The following ERN1 variants were observed in gnomAD, a reference collection of about 807,000 sequenced individuals.
ERN1 encodes serine/threonine-protein kinase/endoribonuclease IRE1.
A neutral mutation model predicts 113.1 loss-of-function variants in ERN1; 39 were observed. That is an observed-to-expected ratio of 0.34 (90% CI 0.27 to 0.45). ERN1 has a LOEUF of 0.45. ERN1 is among the 20% of genes least tolerant of loss of function. The pLI is 1.00. For synonymous variants in ERN1, 507 were observed against 515.9 expected (o/e 0.98, Z 0.23); for missense variants, 976 against 1,274.8 (o/e 0.77, Z 3.57).
chr17:64,118,554 A>G (rs1304642405), intron 1 of ERN1, among the ~76,000 whole-genome samples: 1 of 152,210 alleles, frequency 6.6e-6, no homozygotes. Flanking sequence ...CCAAGGTTGT[A>G]TTCAAAGAGC....
intron 4 of ERN1, among the ~76,000 whole-genome samples, chr17:64,076,304 T>C (rs1169627250): frequency 2.0e-5 from 3 of 152,236 alleles, no homozygotes; most frequent in Non-Finnish European, 4.4e-5. Flanking sequence ...GATTTCTCTC[T>C]AGCTTTAATA....
chr17:64,045,280 G>T, intron 20 of ERN1, 79 bp downstream of exon 20: 1 of 1,555,770 alleles, frequency 6.4e-7, no homozygotes, highest in East Asian at 2.3e-5. Flanking sequence ...AGCCTGGAGC[G>T]GCCATTTCCA....
intron 17 of ERN1, among the ~76,000 whole-genome samples, chr17:64,051,596 C>CA (rs1217412005): frequency 6.6e-6 from 1 of 152,152 alleles, no homozygotes; most frequent in Non-Finnish European, 1.5e-5. Flanking sequence ...AGGAAAAAAG[C>CA]AAACAAACCA....
chr17:64,089,359 C>T (rs947946190), intron 2 of ERN1, among the ~76,000 whole-genome samples: 3 of 142,860 alleles, frequency 2.1e-5, no homozygotes, highest in Non-Finnish European at 4.6e-5. Context: ...GAACGTGACA[C>T]AGGGTGAGCA....
intron 7 of ERN1, 47 bp from the exon 8 acceptor site, chr17:64,066,979 G>C: frequency 1.3e-6 from 2 of 1,593,852 alleles, no homozygotes; most frequent in Non-Finnish European, 1.7e-6. Flanking sequence ...ACCCCATCTT[G>C]CAACCACATC....
At chr17:64,069,769 C>T (rs926048835) in intron 6 of ERN1, among the ~76,000 whole-genome samples, 1 of 152,112 alleles carries the variant, frequency 6.6e-6, no homozygotes, top group Non-Finnish European at 1.5e-5. Flanking sequence ...CACAGGTCTC[C>T]GATCAAGAGG....
intron 2 of ERN1, among the ~76,000 whole-genome samples, chr17:64,083,747 G>A (rs568882457): frequency 7.9e-5 from 12 of 152,248 alleles, no homozygotes; most frequent in East Asian, 3.9e-4. Context: ...GGCCCCCATC[G>A]TGTGTCCAGC....
At chr17:64,072,362 C>T (rs905566554) in intron 5 of ERN1, among the ~76,000 whole-genome samples, 1 of 152,194 alleles carries the variant, frequency 6.6e-6, no homozygotes, top group Non-Finnish European at 1.5e-5. Context: ...CAAAAAGTTC[C>T]CCAAACTTTC....
intron 4 of ERN1, among the ~76,000 whole-genome samples, chr17:64,077,406 GC>G (rs1390870188): frequency 6.6e-6 from 1 of 151,752 alleles, no homozygotes; most frequent in East Asian, 1.9e-4. Flanking sequence ...AGAAACAGAA[GC>G]CCCCCTCCTC....
intron 1 of ERN1, among the ~76,000 whole-genome samples, chr17:64,117,891 G>A (rs1914852656): frequency 6.6e-6 from 1 of 152,194 alleles, no homozygotes; most frequent in Non-Finnish European, 1.5e-5. Flanking sequence ...CAACCAACTA[G>A]GTAGAAGTTC....
chr17:64,048,222 C>T (rs796507653), intron 18 of ERN1, among the ~76,000 whole-genome samples: 5 of 152,298 alleles, frequency 3.3e-5, no homozygotes, highest in African/African-American at 4.8e-5. Flanking sequence ...GGATACACTA[C>T]GGTGCCTCCC....
intron 17 of ERN1, among the ~76,000 whole-genome samples, chr17:64,050,160 C>T (rs1313196327): frequency 2.0e-5 from 3 of 152,180 alleles, no homozygotes; most frequent in Admixed American, 6.5e-5. Flanking sequence ...TCAGGTCTTC[C>T]AATCTCCAAA....
rs78213244 is a variant in ERN1 at position 64,079,644 on chromosome 17, G to A, written c.282+18C>T. The A allele has an allele frequency of 0.079, 126,045 of 1,603,896 alleles. 5,502 individuals carry two copies. The highest frequency in any genetic ancestry group is 0.13 in the Middle Eastern group (763 of 6,036). On this transcript the variant is annotated intron_variant, in intron 4 of 21. Coordinates refer to ENST00000433197, the MANE Select transcript of ERN1 (RefSeq NM_001433.5). ...GTCTAGAACCCCTGGAGTACAAAAA[G>A]CAGCTAAATATACTCACCGTCAGGC...
intron 1 of ERN1, among the ~76,000 whole-genome samples, chr17:64,114,365 A>G (rs1914751369): frequency 6.6e-6 from 1 of 152,244 alleles, no homozygotes; most frequent in African/African-American, 2.4e-5. Context: ...TAACAGAAGA[A>G]GAGCATCTGG....
chr17:64,109,248 C>T (rs1343740207), intron 1 of ERN1, among the ~76,000 whole-genome samples: 3 of 152,110 alleles, frequency 2.0e-5, no homozygotes, highest in African/African-American at 7.2e-5. Flanking sequence ...TTTTGCTCTT[C>T]ATATTTAGTT....
intron 4 of ERN1, among the ~76,000 whole-genome samples, chr17:64,075,815 G>A (rs1016291433): frequency 6.6e-6 from 1 of 152,220 alleles, no homozygotes; most frequent in Non-Finnish European, 1.5e-5. Context: ...GGAATACAGA[G>A]CCAGAGCTGG....
chr17:64,049,041 C>G lies in ERN1; in HGVS notation c.2401+14G>C. 6.4e-7 allele frequency: 1 copy of G among 1,572,930 alleles called. No individual in the cohort carries two copies. Among genetic ancestry groups the G allele is most frequent in the East Asian group, 2.3e-5 (1 of 43,692 alleles). ...TGAGGAGCTGCTCCCAACCCCAACC[C>G]CTGGACCGCTCACCGTGCTTCTCTG... On this transcript the variant is annotated intron_variant, in intron 18 of 21. Coordinates refer to ENST00000433197, the MANE Select transcript of ERN1 (RefSeq NM_001433.5). This position sits in a 1 kb window ranked among gnomAD's most constrained non-coding sequence, Gnocchi z 4.7.
At chr17:64,113,447 G>A (rs1914723380) in intron 1 of ERN1, among the ~76,000 whole-genome samples, 2 of 152,040 alleles carry the variant, frequency 1.3e-5, no homozygotes, top group Admixed American at 1.3e-4. Context: ...AACATTTCCA[G>A]CTATGGCCAA....
rs371390389 is a variant in ERN1, at chr17:64,088,750, C to T, written c.176-7942G>A. On this transcript the variant is annotated intron_variant, in intron 2 of 21. Coordinates refer to ENST00000433197, the MANE Select transcript of ERN1 (RefSeq NM_001433.5). ...CTGCTAGAACATGGGGCATGCACCA[C>T]AGGCTTTCCTAGGTGGGGACCGGAA... 5.9e-5 allele frequency among the ~76,000 whole-genome samples: 9 copies of T among 152,302 alleles called. No individual in the cohort carries two copies. In the East Asian group the frequency reaches 1.5e-3, roughly 26 times the overall value.
Sources: gnomAD v4.1 joint callset for allele counts (sites outside exome capture counted in the v4.1 genomes callset) on GRCh38, gnomAD v4.1.1 for gene constraint, Gnocchi (gnomAD v3.1) non-coding constraint, MANE v1.5 for transcripts, NCBI Gene and HGNC (gene_info 2026-07-23, HGNC 2026-07-21) for gene names.